KCNH1: variants seen among roughly 807,000 people sequenced by gnomAD.
The protein encoded by KCNH1 is voltage-gated delayed rectifier potassium channel KCNH1.
A neutral mutation model predicts 69.2 loss-of-function variants in KCNH1; 27 were observed. The ratio of observed to expected loss-of-function variants is 0.39; its 90% CI spans 0.29 to 0.54. KCNH1 has a LOEUF of 0.54. Among genes scored for constraint, KCNH1 ranks in the 20% least tolerant of loss-of-function variants. The pLI is 0.68. For missense variants in KCNH1, 798 were observed against 1,261.6 expected (o/e 0.63, Z 5.57); for synonymous variants, 456 against 487.7 (o/e 0.93, Z 0.86).
At chr1:211,072,318 A>G (rs537220986) in intron 5 of KCNH1, among the ~76,000 whole-genome samples, 2 of 152,296 alleles carry the variant, frequency 1.3e-5, no homozygotes, top group Admixed American at 1.3e-4. Flanking sequence ...ACAAAAATGG[A>G]GTGAATTTGT....
rs139403232 is a variant in KCNH1, at chr1:210,857,695, G to A, written c.1463-53529C>T. ...CTTGTAATAGTTTTGAATCCATTAAGATGTTGCTTTCAATTTGAAATATTT... is the reference window on the plus strand; with the variant it reads ...CTTGTAATAGTTTTGAATCCATTAAAATGTTGCTTTCAATTTGAAATATTT... On this transcript the variant is annotated intron_variant, in intron 7 of 10. Transcript: ENST00000271751. 5.8e-3 allele frequency among the ~76,000 whole-genome samples: 884 copies of A among 152,254 alleles called. 4 individuals carry two copies. Among genetic ancestry groups the A allele is most frequent in the Middle Eastern group, 0.01 (3 of 294 alleles).
At chr1:210,733,734 G>T (rs193078424) in intron 10 of KCNH1, among the ~76,000 whole-genome samples, 75 of 152,234 alleles carry the variant, frequency 4.9e-4, no homozygotes, top group Non-Finnish European at 8.5e-4. Flanking sequence ...GAGCTAGTCT[G>T]GGCAGGGCTG....
intron 1 of KCNH1, among the ~76,000 whole-genome samples, chr1:211,125,058 C>T (rs1691753235): frequency 6.6e-6 from 1 of 152,184 alleles, no homozygotes; most frequent in South Asian, 2.1e-4. Flanking sequence ...GTCTCTAACC[C>T]TACCCAAACC....
chr1:210,934,098 G>A (rs1200488218), intron 6 of KCNH1, among the ~76,000 whole-genome samples: 1 of 152,058 alleles, frequency 6.6e-6, no homozygotes, highest in African/African-American at 2.4e-5. Context: ...GAAAACATAG[G>A]GAAAATGCTT....
At chr1:210,908,016 TA>T (rs1418860357) in intron 7 of KCNH1, among the ~76,000 whole-genome samples, 12 of 152,220 alleles carry the variant, frequency 7.9e-5, no homozygotes, top group African/African-American at 2.9e-4. Flanking sequence ...CGCATTTGGA[TA>T]AATGTCGAGT....
intron 10 of KCNH1, among the ~76,000 whole-genome samples, chr1:210,690,977 C>T (rs539561258): frequency 4.3e-4 from 66 of 152,326 alleles, no homozygotes; most frequent in African/African-American, 1.6e-3. Context: ...ATGGCATGTG[C>T]ACACGCTTTG....
intron 6 of KCNH1, among the ~76,000 whole-genome samples, chr1:210,933,228 T>C (rs1261044978): frequency 1.3e-5 from 2 of 151,984 alleles, no homozygotes; most frequent in South Asian, 2.1e-4. Flanking sequence ...ATGGATGAAA[T>C]TGGAAATCAT....
chr1:210,854,455 C>T (rs747570783), intron 7 of KCNH1, among the ~76,000 whole-genome samples: 94 of 152,306 alleles, frequency 6.2e-4, no homozygotes, highest in Non-Finnish European at 1.0e-3. Context: ...ACCAAAGGCA[C>T]GGCCTCCCAA....
intron 1 of KCNH1, among the ~76,000 whole-genome samples, chr1:211,118,832 G>T (rs1329093473): frequency 6.6e-6 from 1 of 152,166 alleles, no homozygotes; most frequent in East Asian, 1.9e-4. Context: ...ACTAACTGAA[G>T]CAATGACTTA....
intron 6 of KCNH1, among the ~76,000 whole-genome samples, chr1:210,956,085 C>T (rs1034643565): frequency 1.1e-4 from 17 of 152,094 alleles, no homozygotes; most frequent in Non-Finnish European, 2.1e-4. Flanking sequence ...CCATCAGTAC[C>T]TAGTTTATTG....
chr1:210,780,510 C>T (rs1400304467), intron 9 of KCNH1, among the ~76,000 whole-genome samples: 1 of 152,148 alleles, frequency 6.6e-6, no homozygotes, highest in African/African-American at 2.4e-5. Flanking sequence ...ACAGCAGATG[C>T]AGTGGGGGAA....
intron 5 of KCNH1, among the ~76,000 whole-genome samples, chr1:211,050,260 T>TAAAAAAAAAAA (rs747498526): frequency 0.01 from 600 of 58,486 alleles, 102 homozygotes; most frequent in Admixed American, 0.018. Flanking sequence ...CACACATTCT[T>TAAAAAAAAAAA]AAAAAAAAAA....
intron 1 of KCNH1, among the ~76,000 whole-genome samples, chr1:211,128,725 A>C (rs1243236596): frequency 1.3e-5 from 2 of 152,302 alleles, no homozygotes; most frequent in Middle Eastern, 3.4e-3. Context: ...GGGGAGAAGA[A>C]TACAATGCAA....
chr1:211,040,896 T>C (rs1481070429), intron 5 of KCNH1, among the ~76,000 whole-genome samples: 1 of 152,176 alleles, frequency 6.6e-6, no homozygotes, highest in African/African-American at 2.4e-5. Context: ...AAGTGCCTTC[T>C]TCTGTGAAAG....
At chr1:211,025,998 T>C (rs927599182) in intron 5 of KCNH1, among the ~76,000 whole-genome samples, 4 of 152,166 alleles carry the variant, frequency 2.6e-5, no homozygotes, top group Admixed American at 2.0e-4. Context: ...ATAACTAGCA[T>C]TGGCCCCCTG....
intron 6 of KCNH1, among the ~76,000 whole-genome samples, chr1:210,953,569 T>C (rs550330698): frequency 1.3e-5 from 2 of 152,294 alleles, no homozygotes; most frequent in South Asian, 2.1e-4. Flanking sequence ...TTGCACGGAA[T>C]ACTCCAAAGC....
At chr1:210,740,667 CT>C (rs1683002721) in intron 10 of KCNH1, among the ~76,000 whole-genome samples, 2 of 145,362 alleles carry the variant, frequency 1.4e-5, no homozygotes, top group Admixed American at 1.4e-4. Context: ...TTTCCCCCAA[CT>C]TTGAGAAAAA....
chr1:210,901,769 T>A (rs1252271372), intron 7 of KCNH1, among the ~76,000 whole-genome samples: 1 of 152,200 alleles, frequency 6.6e-6, no homozygotes, highest in Non-Finnish European at 1.5e-5. Context: ...AGCCTGTTGA[T>A]CTTGAGAAAG....
At chr1:210,834,984 C>T (rs551264223) in intron 7 of KCNH1, among the ~76,000 whole-genome samples, 2 of 152,272 alleles carry the variant, frequency 1.3e-5, no homozygotes, top group South Asian at 2.1e-4. Context: ...CAGAGACACC[C>T]TCCCTGCCCC....
Sources: allele counts gnomAD v4.1 joint callset (sites outside exome capture counted in the v4.1 genomes callset), GRCh38; gene constraint gnomAD v4.1.1; transcripts MANE v1.5; gene names NCBI Gene and HGNC (gene_info 2026-07-23, HGNC 2026-07-21).